ADAM22: variants seen among roughly 807,000 people sequenced by gnomAD.
The protein encoded by ADAM22 is disintegrin and metalloproteinase domain-containing protein 22.
In ADAM22, 65 loss-of-function variants were observed where a neutral mutation model predicts 144.6. The ratio of observed to expected loss-of-function variants is 0.45; its 90% CI spans 0.37 to 0.55. The LOEUF (loss-of-function observed/expected upper bound fraction) is 0.55, where lower values mean the gene tolerates loss of function less well. ADAM22 is among the 20% of genes least tolerant of loss of function. The pLI is 0.00. For missense variants in ADAM22, 974 were observed against 1,184.9 expected, an observed-to-expected ratio of 0.82 and a Z score of 2.61; for synonymous variants, 391 against 412.6, an observed-to-expected ratio of 0.95 and a Z score of 0.63.
intron 3 of ADAM22, among the ~76,000 whole-genome samples, chr7:88,073,718 T>C (rs1167338008): frequency 6.6e-6 from 1 of 152,200 alleles, no homozygotes; most frequent in Non-Finnish European, 1.5e-5. Context: ...ATACATAGTG[T>C]TCATGTTCAT....
intron 3 of ADAM22, among the ~76,000 whole-genome samples, chr7:88,001,767 A>G (rs1255348995): frequency 6.6e-6 from 1 of 151,816 alleles, no homozygotes; most frequent in Non-Finnish European, 1.5e-5. Context: ...AATGCCTATA[A>G]TTCTCCTGTT....
chr7:88,088,110 C>A (rs186881546), intron 4 of ADAM22, among the ~76,000 whole-genome samples: 142 of 152,186 alleles, frequency 9.3e-4, no homozygotes, highest in African/African-American at 3.2e-3. Flanking sequence ...TATTATGACT[C>A]TAGGGAACCT....
At chr7:88,049,601 T>C (rs1391791777) in intron 3 of ADAM22, among the ~76,000 whole-genome samples, 1 of 152,166 alleles carries the variant, frequency 6.6e-6, no homozygotes, top group Non-Finnish European at 1.5e-5. Flanking sequence ...TTTCTCCATG[T>C]TGGTCAGGCT....
At chr7:88,079,101 G>A (rs1815644357) in intron 4 of ADAM22, among the ~76,000 whole-genome samples, 1 of 152,130 alleles carries the variant, frequency 6.6e-6, no homozygotes. Context: ...AGAGAGAAAG[G>A]TCGGGTTACC....
chr7:87,959,698 A>G (rs1266979612), intron 2 of ADAM22, among the ~76,000 whole-genome samples: 1 of 152,216 alleles, frequency 6.6e-6, no homozygotes, highest in Admixed American at 6.5e-5. Context: ...ATCTAGAAGA[A>G]AGGGCTTCTA....
chr7:87,994,764 A>G (rs17150090), intron 3 of ADAM22, among the ~76,000 whole-genome samples: 4,138 of 152,278 alleles, frequency 0.027, 184 homozygotes, highest in African/African-American at 0.094. Flanking sequence ...TGCCTAGTTA[A>G]TCACACAAGT....
intron 3 of ADAM22, among the ~76,000 whole-genome samples, chr7:88,037,791 C>G (rs952473129): frequency 1.3e-5 from 2 of 152,092 alleles, no homozygotes; most frequent in African/African-American, 4.8e-5. Context: ...CTCACTTTCT[C>G]TCCTGGGAGT....
chr7:87,966,433 C>A lies in ADAM22; in HGVS notation c.247-11903C>A, dbSNP rs564104340. Reference sequence around the variant, plus strand: ...CTTAAATTGAAGGCCTAGTAATGGGCAGTTAATGGCCAAGATGATGGAGAG... The same window carrying A: ...CTTAAATTGAAGGCCTAGTAATGGGAAGTTAATGGCCAAGATGATGGAGAG... On this transcript the variant is annotated intron_variant, in intron 2 of 31. Coordinates refer to ENST00000413139, the MANE Select transcript of ADAM22 (RefSeq NM_001324418.2). Among the ~76,000 whole-genome samples the A allele has an allele frequency of 6.6e-5, 10 of 152,226 alleles. No homozygotes were observed. The South Asian group carries it at 2.1e-3, about 32-fold the overall frequency.
chr7:88,090,485 G>C (rs546917762), intron 4 of ADAM22, among the ~76,000 whole-genome samples: 1 of 152,104 alleles, frequency 6.6e-6, no homozygotes, highest in African/African-American at 2.4e-5. Flanking sequence ...GTTTGGCCAC[G>C]ACTTAATGTC....
intron 3 of ADAM22, among the ~76,000 whole-genome samples, chr7:88,037,256 T>C (rs565044770): frequency 1.3e-4 from 20 of 152,312 alleles, no homozygotes; most frequent in South Asian, 8.3e-4. Context: ...TTTTGACATC[T>C]GGAAATATTT....
rs776297227 is a variant in ADAM22 at position 88,108,172 on chromosome 7, T to G, written c.391-4T>G. On this transcript the variant is annotated splice_region_variant and splice_polypyrimidine_tract_variant and intron_variant, in intron 4 of 31. Transcript: ENST00000413139. ...AGACTTACATTCTTTATTTCTGTTT[T>G]CAGGGAGGAGAGCACTGTTACTACC... is the stretch of plus-strand genomic sequence containing the variant. The G allele has an allele frequency of 2.5e-6, 4 of 1,609,858 alleles. No individual in the cohort carries two copies. The highest frequency in any genetic ancestry group is 3.4e-6 in the Non-Finnish European group (4 of 1,178,670).
chr7:88,017,979 C>T (rs541341071), intron 3 of ADAM22, among the ~76,000 whole-genome samples: 1 of 152,046 alleles, frequency 6.6e-6, no homozygotes, highest in Non-Finnish European at 1.5e-5. Flanking sequence ...TTCTCGACTC[C>T]CCAAAGACTC....
At chr7:88,073,386 T>C (rs1813345204) in intron 3 of ADAM22, among the ~76,000 whole-genome samples, 1 of 152,208 alleles carries the variant, frequency 6.6e-6, no homozygotes, top group Non-Finnish European at 1.5e-5. Flanking sequence ...CCGGCTACCA[T>C]GCTGAGGGCA....
At chr7:88,029,840 G>A (rs1201708418) in intron 3 of ADAM22, among the ~76,000 whole-genome samples, 2 of 151,578 alleles carry the variant, frequency 1.3e-5, no homozygotes, top group African/African-American at 4.8e-5. Flanking sequence ...AAAATCTGCT[G>A]CCAGGCATAT....
At chr7:88,070,993 C>T (rs1486651297) in intron 3 of ADAM22, among the ~76,000 whole-genome samples, 3 of 152,056 alleles carry the variant, frequency 2.0e-5, no homozygotes, top group Admixed American at 6.6e-5. Context: ...GATGAGGGAC[C>T]ATTTGACAAC....
At chr7:88,097,206 C>CGT (rs1821598287) in intron 4 of ADAM22, among the ~76,000 whole-genome samples, 2 of 144,860 alleles carry the variant, frequency 1.4e-5, no homozygotes, top group African/African-American at 5.2e-5. Context: ...GGCTGGAGTA[C>CGT]AGTGGCACCA....
chr7:87,937,035 A>T (rs980767705), intron 2 of ADAM22, among the ~76,000 whole-genome samples: 4 of 152,160 alleles, frequency 2.6e-5, no homozygotes, highest in Non-Finnish European at 5.9e-5. Flanking sequence ...GGCTCACAGC[A>T]GCCTTGACCT....
chr7:88,079,292 C>A (rs902774620), intron 4 of ADAM22, among the ~76,000 whole-genome samples: 23 of 152,118 alleles, frequency 1.5e-4, no homozygotes, highest in East Asian at 3.9e-4. Context: ...AGACAAGCAA[C>A]TGCTGAGAGA....
Position 87,969,276 on chromosome 7 carries a change from G to C in ADAM22, c.247-9060G>C, listed in dbSNP as rs372779580. 4.3e-4 allele frequency among the ~76,000 whole-genome samples: 66 copies of C among 152,310 alleles called. 1 individual carries two copies. The South Asian group carries it at 0.013, about 31-fold the overall frequency. ...TGTAATTTCCTGATTGTGCTGAGCT[G>C]TTTGCTGTTTTTGTGCCTTTGTTGT... On this transcript the variant is annotated intron_variant, in intron 2 of 31. Coordinates refer to ENST00000413139, the MANE Select transcript of ADAM22 (RefSeq NM_001324418.2).
Sources: gnomAD v4.1 joint callset for allele counts (sites outside exome capture counted in the v4.1 genomes callset) on GRCh38, gnomAD v4.1.1 for gene constraint, MANE v1.5 for transcripts, NCBI Gene and HGNC (gene_info 2026-07-23, HGNC 2026-07-21) for gene names.